TNFSF11: variants seen among roughly 807,000 people sequenced by gnomAD.
The protein encoded by TNFSF11 is tumor necrosis factor ligand superfamily member 11.
In TNFSF11, 12 loss-of-function variants were observed where a neutral mutation model predicts 32.2. That is an observed-to-expected ratio of 0.37 (90% CI 0.24 to 0.60). The LOEUF is 0.60. Ranked by LOEUF, TNFSF11 falls within the 20% of genes least tolerant of loss-of-function variation. The pLI, the probability that TNFSF11 is intolerant of heterozygous loss-of-function variation, is 0.66. For synonymous variants in TNFSF11, 172 were observed against 152.1 expected (o/e 1.13, Z -0.96); for missense variants, 345 against 398.0 (o/e 0.87, Z 1.13).
In TNFSF11 at chr13:42,574,162, C is replaced by T. The variant is rs200393320; in HGVS notation, c.-142C>T. On this transcript the variant is annotated 5_prime_UTR_variant, in exon 1 of 5. Coordinates refer to ENST00000398795, the MANE Select transcript of TNFSF11 (RefSeq NM_003701.4). ...GCTGCCGGGCGCCCTGCCCGCTCGC[C>T]CGCGCGCCCCAGGACCCAAAGCCGG... 1.7e-4 allele frequency: 205 copies of T among 1,173,608 alleles called. No individual in the cohort carries two copies. The African/African-American group carries it at 2.6e-3, about 15-fold the overall frequency. 72.7% of individuals were successfully genotyped at this position (1,173,608 alleles called of 1,614,324 possible).
At chr13:42,589,810 C>T (rs908765161) in intron 2 of TNFSF11, among the ~76,000 whole-genome samples, 6 of 152,232 alleles carry the variant, frequency 3.9e-5, no homozygotes, top group African/African-American at 1.4e-4. Flanking sequence ...TCCTAGCCTC[C>T]ATCGGTAAAC....
At chr13:42,572,355 A>G (rs903112567), upstream of TNFSF11, among the ~76,000 whole-genome samples, 1 of 152,232 alleles carries the variant, frequency 6.6e-6, no homozygotes, top group Non-Finnish European at 1.5e-5. Flanking sequence ...AGAATGGAAG[A>G]CACTATAGTA....
At chr13:42,573,762 T>C (rs1387571354), upstream of TNFSF11, among the ~76,000 whole-genome samples, 2 of 152,190 alleles carry the variant, frequency 1.3e-5, no homozygotes, top group Admixed American at 6.5e-5. Context: ...TTTAACTTTC[T>C]AAATCCTAAG....
intron 2 of TNFSF11, among the ~76,000 whole-genome samples, chr13:42,583,825 T>C (rs1433510257): frequency 3.3e-5 from 5 of 151,982 alleles, no homozygotes; most frequent in Admixed American, 6.5e-5. Context: ...GCTAATGTAA[T>C]TACACAAGAG....
intron 2 of TNFSF11, among the ~76,000 whole-genome samples, chr13:42,592,409 G>T (rs1868538327): frequency 6.6e-6 from 1 of 152,156 alleles, no homozygotes; most frequent in South Asian, 2.1e-4. Context: ...TATTATAAAG[G>T]ATACAATCAG....
intron 1 of TNFSF11, among the ~76,000 whole-genome samples, chr13:42,576,108 G>T (rs781538712): frequency 6.6e-6 from 1 of 152,236 alleles, no homozygotes; most frequent in South Asian, 2.1e-4. Flanking sequence ...AATCAGAAAA[G>T]GGATCAAAGA....
rs1452211156 is a variant in TNFSF11 at position 42,569,086 on chromosome 13, C to T, written c.-160+2324C>T. Among the ~76,000 whole-genome samples, 3 of 152,096 alleles carry T rather than the reference C, an allele frequency of 2.0e-5. 1 individual carries two copies. In the South Asian group the frequency reaches 6.2e-4, roughly 32 times the overall value. ...TTTCCCACACTGCAGTAGGTTAACG[C>T]CCTCCGCCACGAAGGAATCCATATC... On this transcript the variant is annotated intron_variant, in intron 2 of 6. Coordinates refer to the TNFSF11 transcript ENST00000358545.
At chr13:42,601,007 A>C in intron 4 of TNFSF11, 26 bp downstream of exon 4, 1 of 1,612,604 alleles carries the variant, frequency 6.2e-7, no homozygotes, top group East Asian at 2.2e-5. Flanking sequence ...ATCCAGCCTG[A>C]AAAATATTTT....
chr13:42,600,335 A>G (rs557229292), intron 2 of TNFSF11, among the ~76,000 whole-genome samples: 1 of 152,208 alleles, frequency 6.6e-6, no homozygotes, highest in South Asian at 2.1e-4. Flanking sequence ...TATAACAGAA[A>G]TTCACTAATG....
chr13:42,591,072 A>G (rs1352685715), intron 2 of TNFSF11, among the ~76,000 whole-genome samples: 13 of 152,120 alleles, frequency 8.5e-5, no homozygotes, highest in Admixed American at 8.5e-4. Context: ...AAAGTTTTTC[A>G]CTGAGAATTT....
At chr13:42,569,386 A>C (rs1872975774), upstream of TNFSF11, among the ~76,000 whole-genome samples, 1 of 152,006 alleles carries the variant, frequency 6.6e-6, no homozygotes, top group African/African-American at 2.4e-5. Flanking sequence ...ATCTCTACTA[A>C]AAATACAAAA....
At chr13:42,603,466 T>C (rs1258504255) in intron 4 of TNFSF11, among the ~76,000 whole-genome samples, 1 of 152,170 alleles carries the variant, frequency 6.6e-6, no homozygotes, top group African/African-American at 2.4e-5. Flanking sequence ...ATTTTTCTCA[T>C]GTTTTTACCT....
chr13:42,576,175 T>A (rs1873305746), intron 1 of TNFSF11, among the ~76,000 whole-genome samples: 1 of 152,240 alleles, frequency 6.6e-6, no homozygotes, highest in Non-Finnish European at 1.5e-5. Flanking sequence ...GGCATTTTCA[T>A]TGCCATAATA....
rs1873256278 is a variant in TNFSF11, at chr13:42,575,285, G to GT, written c.219+769dup. On this transcript the variant is annotated intron_variant, in intron 1 of 4. Transcript: ENST00000398795. ...AACCAACCTTCGGAAAGATGAAGAG[G>GT]TTTTTTGCACGACGGCTAGGAACTG... Among the ~76,000 whole-genome samples the GT allele has an allele frequency of 2.0e-5, 3 of 152,204 alleles. No individual in the cohort carries two copies. The South Asian group carries it at 6.2e-4, about 32-fold the overall frequency.
rs376581522 is a variant in TNFSF11, at chr13:42,590,492, T to C, written c.387+9199T>C. Among the ~76,000 whole-genome samples the C allele has an allele frequency of 5.9e-5, 9 of 152,328 alleles. No individual in the cohort carries two copies. The South Asian group carries it at 1.7e-3, about 28-fold the overall frequency. On this transcript the variant is annotated intron_variant, in intron 2 of 4. Coordinates refer to ENST00000398795, the MANE Select transcript of TNFSF11 (RefSeq NM_003701.4). ...CTGGCCTGGTATCTCTGACCCCCTTTGCGTCTCATTCTTAGGGAGAAGTCT... is the reference window on the plus strand; with the variant it reads ...CTGGCCTGGTATCTCTGACCCCCTTCGCGTCTCATTCTTAGGGAGAAGTCT...
In TNFSF11 at chr13:42,606,494, C is replaced by T. The variant is rs1869459380; in HGVS notation, c.533-3C>T. 3 of 1,614,106 alleles carry T rather than the reference C, an allele frequency of 1.9e-6. No homozygotes were observed. Among genetic ancestry groups the T allele is most frequent in the Non-Finnish European group, 2.5e-6 (3 of 1,180,044 alleles). On this transcript the variant is annotated splice_region_variant and splice_polypyrimidine_tract_variant and intron_variant, in intron 4 of 4. Transcript: ENST00000398795. ...TCAAATCTTATGCCTCTCTTCTCCA[C>T]AGGTTCCCATAAAGTGAGTCTGTCC...
Position 42,567,264 on chromosome 13 carries a change from A to G in TNFSF11, c.-160+502A>G, listed in dbSNP as rs559140503. ...TCCCAAAAGTTTATTTAAAAGCTCT[A>G]ATACTTTAGATTAATTTTATTTTAG... On this transcript the variant is annotated intron_variant, in intron 2 of 6. Transcript: ENST00000358545. 1.6e-4 allele frequency among the ~76,000 whole-genome samples: 24 copies of G among 152,330 alleles called. No individual in the cohort carries two copies. In the East Asian group the frequency reaches 4.4e-3, roughly 28 times the overall value.
intron 2 of TNFSF11, among the ~76,000 whole-genome samples, chr13:42,598,872 C>T (rs1868969713): frequency 6.6e-6 from 1 of 152,172 alleles, no homozygotes; most frequent in South Asian, 2.1e-4. Context: ...GGAGACAAAA[C>T]TAGGAAATTC....
chr13:42,605,757 T>C (rs764535711), intron 4 of TNFSF11, among the ~76,000 whole-genome samples: 2 of 152,172 alleles, frequency 1.3e-5, no homozygotes, highest in Non-Finnish European at 2.9e-5. Flanking sequence ...GCTAAGAATA[T>C]GTTCTTTTTG....
Sources: gnomAD v4.1 joint callset for allele counts (sites outside exome capture counted in the v4.1 genomes callset) on GRCh38, gnomAD v4.1.1 for gene constraint, MANE v1.5 for transcripts, NCBI Gene and HGNC (gene_info 2026-07-23, HGNC 2026-07-21) for gene names.